The following MACROD1 variants were observed in gnomAD, a reference collection of about 807,000 sequenced individuals.
MACROD1 encodes mono-ADP ribosylhydrolase 1, also known as ADP-ribose glycohydrolase MACROD1.
Under a neutral mutation model 41.4 loss-of-function variants are expected in MACROD1, and 31 were observed. The observed-to-expected ratio is 0.75, with a 90% CI of 0.56 to 1.01. The LOEUF (loss-of-function observed/expected upper bound fraction) is 1.01, where lower values mean the gene tolerates loss of function less well. Among genes scored for constraint, MACROD1 ranks in the 50% least tolerant of loss-of-function variants. The pLI is 0.00. For missense variants in MACROD1, 473 were observed against 460.0 expected, an observed-to-expected ratio of 1.03 and a Z score of -0.26; for synonymous variants, 252 against 203.4, an observed-to-expected ratio of 1.24 and a Z score of -2.03.
chr11:64,060,083 T>G (rs1186406765), intron 3 of MACROD1, among the ~76,000 whole-genome samples: 2 of 152,270 alleles, frequency 1.3e-5, no homozygotes, highest in Non-Finnish European at 2.9e-5. Context: ...CCAATTAAGC[T>G]GCCAATAAAA....
intron 3 of MACROD1, among the ~76,000 whole-genome samples, chr11:64,143,161 G>A (rs767355050): frequency 1.3e-5 from 2 of 150,648 alleles, no homozygotes; most frequent in Non-Finnish European, 3.0e-5. Context: ...GAAAGGAAGA[G>A]AGGAAGGAAA....
chr11:64,122,281 T>C lies in MACROD1; in HGVS notation c.517+28958A>G, dbSNP rs894818423. Among the ~76,000 whole-genome samples, 2 of 152,206 alleles carry C rather than the reference T, an allele frequency of 1.3e-5. No homozygotes were observed. Among genetic ancestry groups the C allele is most frequent in the African/African-American group, 4.8e-5 (2 of 41,456 alleles). On this transcript the variant is annotated intron_variant, in intron 3 of 10. Transcript: ENST00000255681. The surrounding 1 kb of genome is among the most constrained non-coding windows in gnomAD (Gnocchi z 4.0). Reference sequence around the variant, plus strand: ...GCTTGCTCCACGCTAACATGGTGCATGCGGCGGCCAGGGGCCTCCCTGACA... The same window carrying C: ...GCTTGCTCCACGCTAACATGGTGCACGCGGCGGCCAGGGGCCTCCCTGACA...
chr11:64,125,868 T>C (rs1444890640), intron 3 of MACROD1, among the ~76,000 whole-genome samples: 9 of 152,190 alleles, frequency 5.9e-5, no homozygotes, highest in Non-Finnish European at 1.0e-4. Context: ...GCAGAATCCC[T>C]GCATCTGGAG....
At chr11:64,127,094 C>T (rs1166426613) in intron 3 of MACROD1, among the ~76,000 whole-genome samples, 1 of 152,220 alleles carries the variant, frequency 6.6e-6, no homozygotes, top group African/African-American at 2.4e-5. Flanking sequence ...ACACCCACCA[C>T]CACGACAACA....
intron 3 of MACROD1, among the ~76,000 whole-genome samples, chr11:64,052,012 G>T (rs1198042821): frequency 1.3e-5 from 2 of 151,684 alleles, no homozygotes; most frequent in Admixed American, 1.3e-4. Context: ...GAGAGCTGGG[G>T]GCTTGCTAAT....
intron 3 of MACROD1, among the ~76,000 whole-genome samples, chr11:64,135,898 C>G (rs1945324927): frequency 6.6e-6 from 1 of 152,214 alleles, no homozygotes; most frequent in Non-Finnish European, 1.5e-5. Context: ...TCTCCCCTTC[C>G]CCCACTAAGC....
intron 1 of MACROD1, among the ~76,000 whole-genome samples, chr11:64,159,014 C>T (rs950851956): frequency 2.0e-5 from 3 of 151,596 alleles, no homozygotes; most frequent in Non-Finnish European, 4.4e-5. Flanking sequence ...TGCAAAACCC[C>T]GTCTCTGCAA....
rs1945717820 is a variant in MACROD1 at position 64,159,322 on chromosome 11, A to G, written c.298+6375T>C. Among the ~76,000 whole-genome samples the G allele has an allele frequency of 9.6e-3, 13 of 1,360 alleles. No homozygotes were observed. In the Admixed American group the frequency reaches 0.18, roughly 19 times the overall value. 0.9% of individuals were successfully genotyped at this position (1,360 alleles called of 152,430 possible). The stretch of plus-strand genomic sequence containing the variant: ...TGACAGAGCGAGTCTCCGTCTCAGA[A>G]AAAAAAAAAAAAAAAAATACAAAAA... On this transcript the variant is annotated intron_variant, in intron 1 of 10. Coordinates refer to ENST00000255681, the MANE Select transcript of MACROD1 (RefSeq NM_014067.4).
chr11:64,051,898 C>T (rs1943702078), intron 3 of MACROD1, among the ~76,000 whole-genome samples: 1 of 151,950 alleles, frequency 6.6e-6, no homozygotes, highest in South Asian at 2.1e-4. Context: ...TTTCCTCTCT[C>T]GGGGGCTGCA....
chr11:64,139,525 G>T (rs1945379850), intron 3 of MACROD1, among the ~76,000 whole-genome samples: 1 of 152,210 alleles, frequency 6.6e-6, no homozygotes, highest in Non-Finnish European at 1.5e-5. Context: ...GAGGGGCTCG[G>T]AGTCCTGTGG....
rs377393455 is a variant in MACROD1 at position 64,069,726 on chromosome 11, G to C, written c.518-54445C>G. Among the ~76,000 whole-genome samples, 14 of 152,304 alleles carry C rather than the reference G, an allele frequency of 9.2e-5. No individual in the cohort carries two copies. In the East Asian group the frequency reaches 2.1e-3, roughly 23 times the overall value. On this transcript the variant is annotated intron_variant, in intron 3 of 10. Transcript: ENST00000255681. ...GTGGTGGGGCTGGTGACACCCCCGGGCCCGGCCCCGGCAGCTGTGTCACCT... is the reference window on the plus strand; with the variant it reads ...GTGGTGGGGCTGGTGACACCCCCGGCCCCGGCCCCGGCAGCTGTGTCACCT...
At chr11:64,017,272 T>C (rs1390215241) in intron 3 of MACROD1, among the ~76,000 whole-genome samples, 1 of 152,128 alleles carries the variant, frequency 6.6e-6, no homozygotes, top group African/African-American at 2.4e-5. Flanking sequence ...CGCCTGGGCA[T>C]GAATGTACAT....
chr11:64,015,438 C>A (rs769195662), intron 3 of MACROD1, among the ~76,000 whole-genome samples, 157 bp from the exon 4 acceptor site: 3 of 152,150 alleles, frequency 2.0e-5, no homozygotes, highest in Non-Finnish European at 4.4e-5. Flanking sequence ...CGGTAGTAGA[C>A]GATGGTGAAG....
At chr11:64,143,641 T>C (rs1004298205) in intron 3 of MACROD1, among the ~76,000 whole-genome samples, 3 of 151,804 alleles carry the variant, frequency 2.0e-5, no homozygotes, top group African/African-American at 7.3e-5. Context: ...ACCTCTCAGT[T>C]TCCTGGCCGT....
chr11:64,110,667 G>A (rs569653206), intron 3 of MACROD1, among the ~76,000 whole-genome samples: 16 of 152,180 alleles, frequency 1.1e-4, no homozygotes, highest in Admixed American at 2.6e-4. Context: ...CCCGTGGCCC[G>A]CTAAGGATCC....
Position 64,100,335 on chromosome 11 carries a change from T to C in MACROD1, c.517+50904A>G, listed in dbSNP as rs184088318. On this transcript the variant is annotated intron_variant, in intron 3 of 10. Transcript: ENST00000255681. ...TTCTTTTAATACAGTTGTGATGTGATTGACGACAACAAAAGTAGAAAATTG... is the reference window on the plus strand; with the variant it reads ...TTCTTTTAATACAGTTGTGATGTGACTGACGACAACAAAAGTAGAAAATTG... Among the ~76,000 whole-genome samples the C allele has an allele frequency of 5.1e-4, 77 of 152,358 alleles. 1 individual carries two copies. The East Asian group carries it at 0.014, about 28-fold the overall frequency.
At chr11:64,007,897 G>A (rs1051270126) in intron 4 of MACROD1, among the ~76,000 whole-genome samples, 1 of 152,236 alleles carries the variant, frequency 6.6e-6, no homozygotes, top group Non-Finnish European at 1.5e-5. Flanking sequence ...CGCCTCCAGA[G>A]GGCCGAGGCT....
At chr11:64,117,164 G>A (rs369580645) in intron 3 of MACROD1, 180 of 1,613,908 alleles carry the variant, frequency 1.1e-4, no homozygotes, top group Non-Finnish European at 1.5e-4. Flanking sequence ...TGGAGCGGCT[G>A]GACCTGTCCA....
At position 64,007,469 on chromosome 11, in the gene MACROD1, G is replaced by A. The variant is rs1046395220; in HGVS notation, c.548-7126C>T. ...GGAGGAGAGTCCGGGATGAGAGTCC[G>A]GGCGGAGAGCTCAGGAAGGGCAGAG... On this transcript the variant is annotated intron_variant, in intron 4 of 10. Transcript: ENST00000255681. Among the ~76,000 whole-genome samples the A allele has an allele frequency of 4.6e-5, 7 of 152,296 alleles. No homozygotes were observed. The East Asian group carries it at 7.7e-4, about 17-fold the overall frequency.
Sources: gnomAD v4.1 joint callset for allele counts (sites outside exome capture counted in the v4.1 genomes callset) on GRCh38, gnomAD v4.1.1 for gene constraint, Gnocchi (gnomAD v3.1) non-coding constraint, MANE v1.5 for transcripts, NCBI Gene and HGNC (gene_info 2026-07-23, HGNC 2026-07-21) for gene names.